Variants in NBPF20 observed in about 807,000 individuals in gnomAD.
NBPF20 encodes NBPF member 20.
A neutral mutation model predicts 68.1 loss-of-function variants in NBPF20; 90 were observed. The observed-to-expected ratio is 1.32, with a 90% CI of 1.11 to 1.58. The LOEUF (loss-of-function observed/expected upper bound fraction) is 1.58. Ranked by LOEUF, NBPF20 falls within the 40% of genes most tolerant of loss-of-function variation. The probability of loss-of-function intolerance (pLI) is 0.00; values close to 1 mark genes in which losing one functional copy is unlikely to be tolerated. For missense variants in NBPF20, 816 were observed against 601.2 expected (o/e 1.36, Z -3.74); for synonymous variants, 290 against 228.1 (o/e 1.27, Z -2.45).
chr1:145,421,112 A>G, the NBPF20 span, among the ~76,000 whole-genome samples: 1 of 146,056 alleles, frequency 6.8e-6, no homozygotes, highest in African/African-American at 2.5e-5. Context: ...GGGGGAAAAA[A>G]AAATAAAGAG....
At chr1:145,423,644 C>T in the NBPF20 span, among the ~76,000 whole-genome samples, 1 of 151,870 alleles carries the variant, frequency 6.6e-6, no homozygotes, top group Non-Finnish European at 1.5e-5. Context: ...AGGCACTTCA[C>T]AAAAGAGGAC....
At chr1:145,311,855 G>A (rs1193992749) in intron 112 of NBPF20, among the ~76,000 whole-genome samples, 1 of 110,954 alleles carries the variant, frequency 9.0e-6, no homozygotes, top group Non-Finnish European at 1.8e-5. Context: ...GTTCACGGTA[G>A]CGAGGATTTT....
intron 5 of NBPF20, 71 bp from the exon 11 acceptor site, chr1:145,400,665 C>T: frequency 6.5e-7 from 1 of 1,549,734 alleles, no homozygotes; most frequent in South Asian, 1.1e-5. Flanking sequence ...GGAGTCCTAG[C>T]TGGTTTTGAC....
chr1:145,394,576 T>G (rs1662122175), intron 8 of NBPF20, among the ~76,000 whole-genome samples: 1 of 151,916 alleles, frequency 6.6e-6, no homozygotes, highest in Admixed American at 6.6e-5. Flanking sequence ...CTTGGGCGGG[T>G]AAAGAACCAC....
chr1:145,423,699 T>C, the NBPF20 span, among the ~76,000 whole-genome samples: 2 of 150,104 alleles, frequency 1.3e-5, no homozygotes, highest in South Asian at 2.1e-4. Flanking sequence ...ACCAGGAAAA[T>C]GCAAAATGAA....
the NBPF20 span, among the ~76,000 whole-genome samples, chr1:145,412,286 G>A: frequency 7.9e-5 from 12 of 151,922 alleles, no homozygotes; most frequent in Non-Finnish European, 1.3e-4. Flanking sequence ...ATCCTAAGGC[G>A]TCCAGTTGAA....
rs587597248 is a variant in NBPF20, at chr1:145,292,455, C to T, written c.16623G>A (p.Arg5541=). The T allele has an allele frequency of 1.1e-4, 79 of 716,942 alleles. 1 individual carries two copies. In the Admixed American group the frequency reaches 1.3e-3, roughly 12 times the overall value. 44.4% of individuals were successfully genotyped at this position (716,942 alleles called of 1,614,324 possible). ...TTCTTTTCTTCTTTGATCTTCTTCC[C>T]CTTCTTTTCTTCCCCTTCCCCTTCT... is the stretch of plus-strand genomic sequence containing the variant. Residue 5541 remains arginine, a synonymous_variant, in exon 137 of 138, where the codon AGG becomes AGA. Transcript: ENST00000369373.
chr1:145,396,858 G>A (rs1231483067), intron 7 of NBPF20, among the ~76,000 whole-genome samples: 1 of 138,072 alleles, frequency 7.2e-6, no homozygotes, highest in Non-Finnish European at 1.6e-5. Flanking sequence ...ACATTGGTGT[G>A]CTTCACCCAT....
chr1:145,421,222 A>T, the NBPF20 span, among the ~76,000 whole-genome samples: 7 of 152,228 alleles, frequency 4.6e-5, no homozygotes, highest in Admixed American at 6.5e-5. Context: ...TAGGGAATTA[A>T]GAGTGTGTGG....
exon 138 of NBPF20, chr1:145,290,608 A>G (rs1344669604): frequency 4.0e-5 from 6 of 150,516 alleles, no homozygotes; most frequent in Admixed American, 2.6e-4. Context: ...AACTAAAGAA[A>G]TGCAGCTACA....
intron 137 of NBPF20, among the ~76,000 whole-genome samples, chr1:145,292,128 T>C (rs1661154551): frequency 6.7e-6 from 1 of 149,858 alleles, no homozygotes; most frequent in African/African-American, 2.5e-5. Flanking sequence ...CCATAAAATA[T>C]GCTCAAAATT....
exon 5 of NBPF20, chr1:145,401,101 T>G: frequency 6.2e-7 from 1 of 1,607,994 alleles, no homozygotes; most frequent in Non-Finnish European, 8.5e-7. Context: ...CAACTCAACT[T>G]GAACATCTTC....
rs782571945 is a variant in NBPF20 at position 145,291,789 on chromosome 1, T to A, written c.16698-20A>T. 7 of 1,611,224 alleles carry A rather than the reference T, an allele frequency of 4.3e-6. No homozygotes were observed. Among genetic ancestry groups the A allele is most frequent in the South Asian group, 1.1e-5 (1 of 90,976 alleles). On this transcript the variant is annotated intron_variant, in intron 137 of 137. Coordinates refer to ENST00000369373, the Ensembl canonical transcript of NBPF20. ...TTGAGCCTGGAAAAGGAGACAAAAC[T>A]AAAGAAGCAGCCAGGGAAAATCAGA... is the stretch of plus-strand genomic sequence containing the variant.
In NBPF20 at chr1:145,400,379, C is replaced by G; in HGVS notation, c.775+7G>C. ...AGAGAGGTATGAGACACAAGGAAAACAGAGGCTACCTGGAATAATGTGTAC... is the reference window on the plus strand; with the variant it reads ...AGAGAGGTATGAGACACAAGGAAAAGAGAGGCTACCTGGAATAATGTGTAC... On this transcript the variant is annotated splice_region_variant and intron_variant, in intron 6 of 137. Transcript: ENST00000369373. 2 of 1,612,540 alleles carry G rather than the reference C, an allele frequency of 1.2e-6. No homozygotes were observed. The highest frequency in any genetic ancestry group is 4.5e-5 in the East Asian group (2 of 44,882).
rs1452579020 is a variant in NBPF20, at chr1:145,405,413, T to A, written c.-39A>T. 8 of 1,569,786 alleles carry A rather than the reference T, an allele frequency of 5.1e-6. 1 individual carries two copies. In the Admixed American group the frequency reaches 1.1e-4, roughly 22 times the overall value. ...GTAACTGAAATTCTTACCTTACTGT[T>A]GTGAAAAATGTGATCACTCCCCACA... On this transcript the variant is annotated 5_prime_UTR_variant, in exon 1 of 138. Transcript: ENST00000369373.
chr1:145,409,406 G>C (rs1480762425), upstream of NBPF20, among the ~76,000 whole-genome samples: 1 of 149,732 alleles, frequency 6.7e-6, no homozygotes, highest in African/African-American at 2.5e-5. Context: ...AGTACCGACT[G>C]AGTGGTTCAA....
At chr1:145,406,152 G>C (rs1313361589), upstream of NBPF20, among the ~76,000 whole-genome samples, 22 of 147,980 alleles carry the variant, frequency 1.5e-4, 1 homozygote, top group Non-Finnish European at 3.1e-4. Flanking sequence ...AGCCACGATG[G>C]TCTCGATCTC....
At chr1:145,410,765 C>T in the NBPF20 span, among the ~76,000 whole-genome samples, 90 of 86,150 alleles carry the variant, frequency 1.0e-3, no homozygotes, top group Middle Eastern at 0.01. Context: ...TATATATATA[C>T]GTATATATAT....
rs1316083526 is a variant in NBPF20 at position 145,397,553 on chromosome 1, C to G, written c.827+1496G>C. 4.4e-3 allele frequency among the ~76,000 whole-genome samples: 673 copies of G among 152,268 alleles called. 4 individuals are homozygous for G. The highest frequency in any genetic ancestry group is 6.1e-3 in the Non-Finnish European group (417 of 68,020). ...AAATGCTGAGAGATTTTGTCACCACCAGGCCTGCCTTACAAGAGCTCCTAA... is the reference window on the plus strand; with the variant it reads ...AAATGCTGAGAGATTTTGTCACCACGAGGCCTGCCTTACAAGAGCTCCTAA... On this transcript the variant is annotated intron_variant, in intron 7 of 137. Coordinates refer to ENST00000369373, the Ensembl canonical transcript of NBPF20.
Sources: allele counts gnomAD v4.1 joint callset (sites outside exome capture counted in the v4.1 genomes callset), GRCh38; gene constraint gnomAD v4.1.1; transcripts MANE v1.5; gene names NCBI Gene and HGNC (gene_info 2026-07-23, HGNC 2026-07-21).